VWA5B1: variants seen among roughly 807,000 people sequenced by gnomAD.
VWA5B1 encodes the protein von Willebrand factor A domain-containing protein 5B1.
Under a neutral mutation model 118.2 loss-of-function variants are expected in VWA5B1, and 115 were observed. That is an observed-to-expected ratio of 0.97 (90% CI 0.84 to 1.14). The LOEUF (loss-of-function observed/expected upper bound fraction) is 1.14, where lower values mean the gene tolerates loss of function less well. Among genes scored for constraint, VWA5B1 ranks in the 50% most tolerant of loss-of-function variants. The pLI is 0.00. For missense variants in VWA5B1, 1,596 were observed against 1,603.8 expected, an observed-to-expected ratio of 1.00 and a Z score of 0.08; for synonymous variants, 682 against 658.4, an observed-to-expected ratio of 1.04 and a Z score of -0.55.
In VWA5B1 at chr1:20,336,206, A is replaced by G. The variant is rs985361871; in HGVS notation, c.1759-97A>G. 9.7e-6 allele frequency: 11 copies of G among 1,129,330 alleles called. No homozygotes were observed. The African/African-American group carries it at 1.6e-4, about 16-fold the overall frequency. The allele number at this position is 1,129,330 out of a possible 1,614,324, so 70.0% of individuals were successfully genotyped here. ...TGTTGAGCTGTTTCTTCAGAGATGA[A>G]AACCGCACCACCTCTGCTCACACCC... On this transcript the variant is annotated intron_variant, in intron 12 of 21. Coordinates refer to ENST00000289815, the MANE Select transcript of VWA5B1 (RefSeq NM_001039500.3).
At chr1:20,314,013 A>T (rs1193711511) in intron 3 of VWA5B1, among the ~76,000 whole-genome samples, 1 of 152,154 alleles carries the variant, frequency 6.6e-6, no homozygotes, top group Non-Finnish European at 1.5e-5. Context: ...AAGGTGGAGG[A>T]CGCTTCGATT....
chr1:20,348,579 C>A (rs2090058281), intron 18 of VWA5B1, among the ~76,000 whole-genome samples: 1 of 152,158 alleles, frequency 6.6e-6, no homozygotes, highest in South Asian at 2.1e-4. Flanking sequence ...TGACACAGTT[C>A]TCTCTTTGCC....
intron 14 of VWA5B1, 125 bp downstream of exon 14, chr1:20,337,961 C>G (rs2089769240): frequency 1.6e-6 from 2 of 1,228,842 alleles, no homozygotes; most frequent in African/African-American, 3.0e-5. Context: ...GTCACTCCCT[C>G]TTTCCTTCCC....
intron 5 of VWA5B1, 23 bp downstream of exon 5, chr1:20,317,698 G>A (rs916324720): frequency 1.2e-5 from 18 of 1,542,142 alleles, no homozygotes; most frequent in Middle Eastern, 1.7e-4. Flanking sequence ...CATCCAGACG[G>A]GATGGGTGAG....
At chr1:20,312,509 T>C (rs1275392703) in intron 2 of VWA5B1, among the ~76,000 whole-genome samples, 4 of 152,202 alleles carry the variant, frequency 2.6e-5, no homozygotes, top group African/African-American at 9.6e-5. Context: ...CTGTGGCCCA[T>C]GGACAAAACT....
intron 1 of VWA5B1, among the ~76,000 whole-genome samples, chr1:20,305,269 G>A (rs2088615627): frequency 6.6e-6 from 1 of 152,158 alleles, no homozygotes; most frequent in Admixed American, 6.5e-5. Flanking sequence ...CAAGGCATGG[G>A]AGTGGAAATG....
Position 20,319,460 on chromosome 1 carries a change from C to T in VWA5B1, c.920C>T (p.Thr307Ile), listed in dbSNP as rs2089135157. The T allele has an allele frequency of 6.4e-7, 1 of 1,551,772 alleles. No individual in the cohort carries two copies. Residue 307 changes from threonine (T) to isoleucine (I), a missense_variant, in exon 7 of 22, where the codon ACA (threonine) becomes ATA (isoleucine). By Grantham distance (89) the Thr-to-Ile change is moderately conservative. Coordinates refer to ENST00000289815, the MANE Select transcript of VWA5B1 (RefSeq NM_001039500.3). ...TTTGACCAGCACTTGAAGGGAAGAA[C>T]AGATTTCATTAAAGGGATGAAGAAG... ...GEFDQHLKGR[T>I]DFIKGMKKKS... is the part of the protein sequence containing the mutation.
rs1234356323 is a variant in VWA5B1 at position 20,352,131 on chromosome 1, G to A, written c.3100G>A (p.Glu1034Lys). The change falls in exon 21 of 22, where the codon GAG becomes AAG. Residue 1034 changes from glutamate to lysine, a missense_variant. Transcript: ENST00000289815. ...GAGCAAGCCACTGATCAAAGCTGTG[G>A]AGTCGACCTCCGGGAACCAGAGCTT... ...FLSKPLIKAV[E>K]STSGNQSFDY... 3.2e-6 allele frequency: 5 copies of A among 1,551,332 alleles called. No homozygotes were observed. The highest frequency in any genetic ancestry group is 3.5e-6 in the Non-Finnish European group (4 of 1,146,964).
In VWA5B1 at chr1:20,338,537, A is replaced by T. The variant is rs139068044; in HGVS notation, c.2133+701A>T. ...GCTAACTTTTGTATTTTATTTATTT[A>T]TTTATTTTTGAGATGGAGTTTTGCT... On this transcript the variant is annotated intron_variant, in intron 14 of 21. Coordinates refer to ENST00000289815, the MANE Select transcript of VWA5B1 (RefSeq NM_001039500.3). 1.2e-4 allele frequency: 19 copies of T among 153,748 alleles called. No individual in the cohort carries two copies. The East Asian group carries it at 3.5e-3, about 28-fold the overall frequency. The allele number at this position is 153,748 out of a possible 1,614,324, so 9.5% of individuals were successfully genotyped here. A position where few individuals can be genotyped will look rare whatever the true frequency, so the allele number is the denominator to read the frequency against.
intron 8 of VWA5B1, among the ~76,000 whole-genome samples, chr1:20,326,682 C>T (rs2089395002): frequency 6.6e-6 from 1 of 152,070 alleles, no homozygotes; most frequent in Admixed American, 6.6e-5. Flanking sequence ...AACTCCTGAC[C>T]TCATGATCTG....
rs79067591 is a variant in VWA5B1, at chr1:20,355,221, G to A, written c.*958G>A. Among the ~76,000 whole-genome samples, 2,275 of 152,332 alleles carry A rather than the reference G, an allele frequency of 0.015. 55 individuals carry two copies. Among genetic ancestry groups the A allele is most frequent in the African/African-American group, 0.05 (2,093 of 41,572 alleles). ...GGGTCCTCTGGAGCCATGCCACGCT[G>A]TGGGAGAGAGGCTTGGCTGCAGTGC... On this transcript the variant is annotated 3_prime_UTR_variant, in exon 22 of 22. Coordinates refer to ENST00000289815, the MANE Select transcript of VWA5B1 (RefSeq NM_001039500.3).
At position 20,297,996 on chromosome 1, in the gene VWA5B1, A is replaced by ATTTTTTT. The variant is rs60497976; in HGVS notation, c.-27+6924_-27+6930dup. ...GATTACTTTCATGACTCGGTGGTGG[A>ATTTTTTT]TTTTTTTTTTTTTTTTTTTTTTGTT... On this transcript the variant is annotated intron_variant, in intron 1 of 21. Coordinates refer to ENST00000289815, the MANE Select transcript of VWA5B1 (RefSeq NM_001039500.3). Among the ~76,000 whole-genome samples the ATTTTTTT allele has an allele frequency of 3.2e-3, 409 of 126,562 alleles. 1 individual carries two copies. The highest frequency in any genetic ancestry group is 4.1e-3 in the Non-Finnish European group (248 of 60,526). 83.0% of individuals were successfully genotyped at this position (126,562 alleles called of 152,430 possible). A position where few individuals can be genotyped will look rare whatever the true frequency, so the allele number is the denominator to read the frequency against.
chr1:20,350,008 T>C (rs929882020), intron 18 of VWA5B1, 148 bp from the exon 19 acceptor site: 1 of 735,734 alleles, frequency 1.4e-6, no homozygotes, highest in South Asian at 1.7e-5. Context: ...CTGTGAAAGA[T>C]GAAGGCCCAT....
chr1:20,291,165 A>AGTGTGTGTGTGT (rs71585753), intron 1 of VWA5B1, 77 bp downstream of exon 1: 3,344 of 134,868 alleles, frequency 0.025, 52 homozygotes, highest in Middle Eastern at 0.046. Context: ...GGCATGCATG[A>AGTGTGTGTGTGT]GTGTGTGTGT....
chr1:20,299,940 C>T (rs997618690), intron 1 of VWA5B1, among the ~76,000 whole-genome samples: 4 of 152,246 alleles, frequency 2.6e-5, no homozygotes, highest in African/African-American at 9.6e-5. Context: ...GGAAGGGTCA[C>T]AGGCCCTGCG....
Position 20,343,075 on chromosome 1 carries a change from G to A in VWA5B1, c.2312-4G>A, listed in dbSNP as rs771575757. The A allele has an allele frequency of 5.1e-5, 77 of 1,507,468 alleles. 1 individual carries two copies. The highest frequency in any genetic ancestry group is 2.5e-4 in the South Asian group (20 of 78,516). The allele number at this position is 1,507,468 out of a possible 1,614,324, so 93.4% of individuals were successfully genotyped here. ...GCTTGGCCCACTTGTCCCTCTGCCC[G>A]CAGAGCCGTCCCACCATCCCTCTGC... On this transcript the variant is annotated splice_region_variant and splice_polypyrimidine_tract_variant and intron_variant, in intron 15 of 21. Coordinates refer to ENST00000289815, the MANE Select transcript of VWA5B1 (RefSeq NM_001039500.3).
intron 21 of VWA5B1, among the ~76,000 whole-genome samples, chr1:20,352,840 T>C (rs1416462153): frequency 6.6e-6 from 1 of 152,244 alleles, no homozygotes; most frequent in Non-Finnish European, 1.5e-5. Context: ...AGGCATGTTT[T>C]TACTCAACAA....
intron 17 of VWA5B1, among the ~76,000 whole-genome samples, chr1:20,346,086 C>T (rs534288050): frequency 3.0e-4 from 45 of 152,164 alleles, no homozygotes; most frequent in African/African-American, 7.7e-4. Flanking sequence ...AAAATATGGG[C>T]GTGGAAAGTG....
chr1:20,342,393 G>A (rs572534027), intron 14 of VWA5B1, 39 bp from the exon 15 acceptor site: 20 of 1,538,320 alleles, frequency 1.3e-5, no homozygotes, highest in African/African-American at 2.8e-5. Flanking sequence ...CCTCCTCCTC[G>A]TCCTCCTCCT....
Sources: allele counts gnomAD v4.1 joint callset (sites outside exome capture counted in the v4.1 genomes callset), GRCh38; gene constraint gnomAD v4.1.1; transcripts MANE v1.5; gene names NCBI Gene and HGNC (gene_info 2026-07-23, HGNC 2026-07-21).